Variants in PPEF2 observed in about 807,000 individuals in gnomAD.
PPEF2 encodes protein phosphatase with EF-hand domain 2.
PPEF2 carries 84 observed loss-of-function variants against 84.7 expected under a neutral mutation model. That is an observed-to-expected ratio of 0.99 (90% CI 0.83 to 1.19). PPEF2 has a LOEUF of 1.19. PPEF2 is among the 50% of genes most tolerant of loss of function. The pLI, the probability that PPEF2 is intolerant of heterozygous loss-of-function variation, is 0.00. For synonymous variants in PPEF2, 346 were observed against 345.2 expected (o/e 1.00, Z -0.03); for missense variants, 924 against 937.5 (o/e 0.99, Z 0.19).
chr4:75,862,523 C>A (rs1724032343), intron 16 of PPEF2, among the ~76,000 whole-genome samples: 1 of 151,626 alleles, frequency 6.6e-6, no homozygotes, highest in Non-Finnish European at 1.5e-5. Context: ...AAGAGATATA[C>A]AAATGGCCAA....
At chr4:75,879,136 G>A (rs1724502418) in intron 10 of PPEF2, among the ~76,000 whole-genome samples, 1 of 152,158 alleles carries the variant, frequency 6.6e-6, no homozygotes, top group African/African-American at 2.4e-5. Flanking sequence ...CTAGTGGAGG[G>A]AGGCTCCAGT....
At chr4:75,870,072 C>T (rs916763449) in intron 13 of PPEF2, among the ~76,000 whole-genome samples, 1 of 152,098 alleles carries the variant, frequency 6.6e-6, no homozygotes, top group Admixed American at 6.6e-5. Flanking sequence ...GAGTTGAATG[C>T]TTTTTGACTA....
At chr4:75,868,638 G>A (rs555955300) in intron 13 of PPEF2, among the ~76,000 whole-genome samples, 1 of 152,074 alleles carries the variant, frequency 6.6e-6, no homozygotes, top group African/African-American at 2.4e-5. Flanking sequence ...CGAGGCTGCA[G>A]TGAGCCAAGA....
At chr4:75,885,944 G>C (rs1040804169) in intron 7 of PPEF2, among the ~76,000 whole-genome samples, 5 of 152,104 alleles carry the variant, frequency 3.3e-5, no homozygotes, top group African/African-American at 1.2e-4. Flanking sequence ...GGGACGCGGA[G>C]GTTGCAGTGA....
At chr4:75,894,123 C>G (rs1005919612) in intron 2 of PPEF2, among the ~76,000 whole-genome samples, 1 of 152,178 alleles carries the variant, frequency 6.6e-6, no homozygotes, top group East Asian at 1.9e-4. Context: ...AATTGTGAAC[C>G]AAGGCAATGC....
In PPEF2 at chr4:75,876,428, G is replaced by T; in HGVS notation, c.1179C>A (p.Ser393=). Reference sequence around the variant, plus strand: ...GGCACCGCTCTAGCTCCAGTTCCACGGAGCTCCGCACCTGCCGGGAGAGCT... The same window carrying T: ...GGCACCGCTCTAGCTCCAGTTCCACTGAGCTCCGCACCTGCCGGGAGAGCT... ...GRELSRQVRS[S]VELELERCRQ... Residue 393 remains serine (S), a synonymous_variant, in exon 11 of 17, where the codon TCC becomes TCA. Transcript: ENST00000286719. 1 of 1,614,116 alleles carries T rather than the reference G, an allele frequency of 6.2e-7. No individual in the cohort carries two copies. The highest frequency in any genetic ancestry group is 8.5e-7 in the Non-Finnish European group (1 of 1,180,030).
chr4:75,889,550 A>T (rs184067379), intron 5 of PPEF2, among the ~76,000 whole-genome samples: 4 of 152,150 alleles, frequency 2.6e-5, no homozygotes, highest in Admixed American at 6.5e-5. Context: ...CATAGCTCTC[A>T]TCGCCTTCTA....
At position 75,873,152 on chromosome 4, in the gene PPEF2, C is replaced by T. The variant is rs1403048432; in HGVS notation, c.1481G>A (p.Gly494Asp). Reference protein sequence around the residue: ...LIRSHECKPEGYEFCHNRKVL... With the variant: ...LIRSHECKPEDYEFCHNRKVL... ...CTTGCGGTTGTGACAGAATTCATAG[C>T]CTTCAGGTTTGCATTCATGTGAACG... Residue 494 changes from glycine (G) to aspartate (D), a missense_variant, in exon 12 of 17, where the codon GGC becomes GAC. Transcript: ENST00000286719. 5.6e-6 allele frequency: 9 copies of T among 1,613,886 alleles called. No homozygotes were observed. The highest frequency in any genetic ancestry group is 2.2e-5 in the East Asian group (1 of 44,896).
At chr4:75,872,215 C>T in intron 12 of PPEF2, 48 bp from the exon 13 acceptor site, 2 of 1,575,152 alleles carry the variant, frequency 1.3e-6, no homozygotes, top group East Asian at 2.2e-5. Flanking sequence ...ACTGAAGAAA[C>T]CTTCACCCTC....
intron 8 of PPEF2, among the ~76,000 whole-genome samples, 185 bp downstream of exon 8, chr4:75,884,409 G>A (rs1487674247): frequency 2.8e-5 from 4 of 140,646 alleles, no homozygotes; most frequent in African/African-American, 7.8e-5. Context: ...CTAGGCGACC[G>A]AGTGAGACTC....
intron 1 of PPEF2, among the ~76,000 whole-genome samples, chr4:75,896,782 A>C (rs1326117714): frequency 2.0e-5 from 3 of 152,032 alleles, no homozygotes; most frequent in Non-Finnish European, 4.4e-5. Context: ...CTCACTATTG[A>C]TCAAAGCCTT....
chr4:75,898,359 A>T (rs1413384919), intron 1 of PPEF2, among the ~76,000 whole-genome samples: 1 of 151,932 alleles, frequency 6.6e-6, no homozygotes, highest in South Asian at 2.1e-4. Flanking sequence ...CTTTCTTCAA[A>T]CTCTGTGCTT....
At position 75,872,059 on chromosome 4, in the gene PPEF2, T is replaced by C. The variant is rs766158650; in HGVS notation, c.1615A>G (p.Asn539Asp). Residue 539 changes from asparagine to aspartate, a missense_variant, in exon 13 of 17, where the codon AAC (asparagine) becomes GAC (aspartate). By Grantham distance (23) the Asn-to-Asp change is conservative. Coordinates refer to ENST00000286719, the MANE Select transcript of PPEF2 (RefSeq NM_006239.3). ...ATGGTGAGTGTGTGGGTCACCTTGTTAGCTTGATACTGCACAATATGTGGG... is the reference window on the plus strand; with the variant it reads ...ATGGTGAGTGTGTGGGTCACCTTGTCAGCTTGATACTGCACAATATGTGGG... Reference protein sequence around the residue: ...LTPHIVQYQANKVTHTLTMRQ... With the variant: ...LTPHIVQYQADKVTHTLTMRQ... 1 of 1,612,846 alleles carries C rather than the reference T, an allele frequency of 6.2e-7. No homozygotes were observed. Among genetic ancestry groups the C allele is most frequent in the Non-Finnish European group, 8.5e-7 (1 of 1,179,630 alleles).
chr4:75,895,605 G>A (rs59895272), intron 2 of PPEF2, among the ~76,000 whole-genome samples: 260 of 151,378 alleles, frequency 1.7e-3, no homozygotes, highest in Non-Finnish European at 3.1e-3. Context: ...GGTCGCGGGC[G>A]CCTGAAATCC....
At chr4:75,863,335 CAAAA>C (rs55667727) in intron 16 of PPEF2, among the ~76,000 whole-genome samples, 11 of 140,898 alleles carry the variant, frequency 7.8e-5, no homozygotes, top group Admixed American at 1.4e-4. Flanking sequence ...ACTAAAAATA[CAAAA>C]AAAAAAAAAA....
intron 10 of PPEF2, among the ~76,000 whole-genome samples, chr4:75,880,250 T>C (rs1421843218): frequency 6.6e-6 from 1 of 152,180 alleles, no homozygotes; most frequent in East Asian, 1.9e-4. Flanking sequence ...GCATTTTCTA[T>C]AAATTAGTTG....
chr4:75,862,612 T>TA (rs561047174), intron 16 of PPEF2, among the ~76,000 whole-genome samples: 611 of 150,402 alleles, frequency 4.1e-3, no homozygotes, highest in Non-Finnish European at 6.2e-3. Context: ...TAATAAAAAC[T>TA]AAAAAAAAAC....
intron 11 of PPEF2, among the ~76,000 whole-genome samples, chr4:75,874,604 T>G (rs547803181): frequency 6.6e-6 from 1 of 152,104 alleles, no homozygotes; most frequent in South Asian, 2.1e-4. Context: ...TAGCCAACAT[T>G]TAATGCTTTC....
At chr4:75,861,943 C>A (rs1724014914) in intron 16 of PPEF2, among the ~76,000 whole-genome samples, 1 of 150,156 alleles carries the variant, frequency 6.7e-6, no homozygotes, top group Non-Finnish European at 1.5e-5. Context: ...AAAGCTATAA[C>A]ACCAAAAGCA....
Sources: gnomAD v4.1 joint callset for allele counts (sites outside exome capture counted in the v4.1 genomes callset) on GRCh38, gnomAD v4.1.1 for gene constraint, MANE v1.5 for transcripts, NCBI Gene and HGNC (gene_info 2026-07-23, HGNC 2026-07-21) for gene names.